DNAAF11: variants seen among roughly 807,000 people sequenced by gnomAD.
DNAAF11 encodes the protein leucine rich repeat containing 6.
A neutral mutation model predicts 60.8 loss-of-function variants in DNAAF11; 45 were observed. The observed-to-expected ratio is 0.74, with a 90% confidence interval of 0.58 to 0.95. The LOEUF is 0.95. Among genes scored for constraint, DNAAF11 ranks in the 40% least tolerant of loss-of-function variants. DNAAF11 has a pLI of 0.00. For missense variants in DNAAF11, 546 were observed against 546.2 expected, an observed-to-expected ratio of 1.00 and a Z score of 0.00; for synonymous variants, 191 against 183.5, an observed-to-expected ratio of 1.04 and a Z score of -0.33.
At chr8:132,637,709 T>G (rs1370815888) in intron 4 of DNAAF11, among the ~76,000 whole-genome samples, 1 of 152,224 alleles carries the variant, frequency 6.6e-6, no homozygotes, top group Non-Finnish European at 1.5e-5. Flanking sequence ...AAGTTCTGTG[T>G]GTTTTGGATG....
the DNAAF11 span, among the ~76,000 whole-genome samples, chr8:132,681,318 C>CTTTTTTTTTTT: frequency 2.5e-3 from 320 of 128,934 alleles, 2 homozygotes; most frequent in African/African-American, 7.2e-3. Flanking sequence ...CCAACCATTC[C>CTTTTTTTTTTT]TTTTTTTTTT....
chr8:132,701,095 C>G, the DNAAF11 span, among the ~76,000 whole-genome samples: 1 of 152,176 alleles, frequency 6.6e-6, no homozygotes, highest in Non-Finnish European at 1.5e-5. Flanking sequence ...CCAACCTTGT[C>G]TATGAAGAGG....
intron 1 of DNAAF11, among the ~76,000 whole-genome samples, chr8:132,674,196 A>AAGGAGGAGGAGAAGG (rs1322406544): frequency 9.6e-5 from 9 of 94,218 alleles, no homozygotes; most frequent in South Asian, 3.5e-4. Flanking sequence ...GGAGGAGGAG[A>AAGGAGGAGGAGAAGG]AGGAGGAGGA....
chr8:132,596,312 G>A (rs1042978063), intron 10 of DNAAF11, among the ~76,000 whole-genome samples: 1 of 152,056 alleles, frequency 6.6e-6, no homozygotes, highest in African/African-American at 2.4e-5. Flanking sequence ...AGTTACATAA[G>A]GCAGTTATGT....
chr8:132,702,725 T>A, the DNAAF11 span, among the ~76,000 whole-genome samples: 4 of 152,198 alleles, frequency 2.6e-5, no homozygotes, highest in African/African-American at 9.7e-5. Flanking sequence ...TAGTCTCATT[T>A]TAAAGACTGG....
chr8:132,689,697 G>A, the DNAAF11 span, among the ~76,000 whole-genome samples: 8 of 80,862 alleles, frequency 9.9e-5, no homozygotes, highest in South Asian at 3.1e-4. Context: ...GTGTATGTAC[G>A]TGTGTGTGTG....
chr8:132,699,785 A>G, the DNAAF11 span, among the ~76,000 whole-genome samples: 1 of 152,240 alleles, frequency 6.6e-6, no homozygotes, highest in African/African-American at 2.4e-5. Flanking sequence ...AAGTGCTAAT[A>G]CATGCTAAGA....
intron 10 of DNAAF11, among the ~76,000 whole-genome samples, chr8:132,598,035 C>T (rs377236356): frequency 6.6e-6 from 1 of 152,174 alleles, no homozygotes; most frequent in African/African-American, 2.4e-5. Context: ...AATTATGAGG[C>T]ATTGTTTGTG....
chr8:132,649,008 T>TACTTTTTTATGGA (rs1279600946), intron 3 of DNAAF11, among the ~76,000 whole-genome samples: 2 of 152,198 alleles, frequency 1.3e-5, no homozygotes, highest in South Asian at 2.1e-4. Flanking sequence ...TGGAAAAAAC[T>TACTTTTTTATGGA]ACTTTTTTAT....
chr8:132,589,755 A>G (rs990927405), intron 10 of DNAAF11, among the ~76,000 whole-genome samples: 4 of 152,136 alleles, frequency 2.6e-5, no homozygotes, highest in Non-Finnish European at 4.4e-5. Flanking sequence ...TTGCCTACAG[A>G]CCACCATTTC....
At chr8:132,683,364 G>C in the DNAAF11 span, among the ~76,000 whole-genome samples, 1 of 152,126 alleles carries the variant, frequency 6.6e-6, no homozygotes, top group East Asian at 1.9e-4. Context: ...GAAAATCATT[G>C]AGCTAAAGAC....
the DNAAF11 span, among the ~76,000 whole-genome samples, chr8:132,692,631 C>T: frequency 2.0e-5 from 3 of 152,214 alleles, no homozygotes; most frequent in Admixed American, 2.0e-4. Context: ...CAAAATCCAG[C>T]TCTGACCCAG....
intron 1 of DNAAF11, among the ~76,000 whole-genome samples, chr8:132,663,414 T>C (rs1461142803): frequency 1.3e-5 from 2 of 152,238 alleles, no homozygotes; most frequent in African/African-American, 2.4e-5. Context: ...GCAATGCTCC[T>C]GTGTAAAGTA....
the DNAAF11 span, among the ~76,000 whole-genome samples, chr8:132,692,802 T>C: frequency 1.3e-5 from 2 of 152,172 alleles, no homozygotes; most frequent in African/African-American, 2.4e-5. Context: ...CTGACTTTCC[T>C]TTCCTCCCTG....
the DNAAF11 span, among the ~76,000 whole-genome samples, chr8:132,682,214 T>C: frequency 6.6e-6 from 1 of 152,322 alleles, no homozygotes; most frequent in African/African-American, 2.4e-5. Flanking sequence ...TAAAAATCCT[T>C]GCAGCTTCCA....
chr8:132,674,559 C>T lies in DNAAF11; in HGVS notation c.10+925G>A, dbSNP rs183213279. 2.7e-4 allele frequency among the ~76,000 whole-genome samples: 41 copies of T among 152,328 alleles called. No individual in the cohort carries two copies. In the East Asian group the frequency reaches 7.7e-3, roughly 29 times the overall value. On this transcript the variant is annotated intron_variant, in intron 1 of 11. Coordinates refer to ENST00000620350, the MANE Select transcript of DNAAF11 (RefSeq NM_012472.6). ...GTTCATACAATATAAATAACTTACC[C>T]GCATCACCTTGCAGTTTGTTAGTAT...
chr8:132,592,423 T>C lies in DNAAF11; in HGVS notation c.1141-8644A>G, dbSNP rs549753414. Among the ~76,000 whole-genome samples, 3 of 152,252 alleles carry C rather than the reference T, an allele frequency of 2.0e-5. No homozygotes were observed. In the East Asian group the frequency reaches 5.8e-4, roughly 29 times the overall value. Reference sequence around the variant, plus strand: ...AAACTTGCACAAAGGTAAGAGAGAATAGCAAGTTCCTGGAACTGTGAGTTG... The same window carrying C: ...AAACTTGCACAAAGGTAAGAGAGAACAGCAAGTTCCTGGAACTGTGAGTTG... On this transcript the variant is annotated intron_variant, in intron 10 of 11. Coordinates refer to ENST00000620350, the MANE Select transcript of DNAAF11 (RefSeq NM_012472.6).
intron 3 of DNAAF11, among the ~76,000 whole-genome samples, chr8:132,642,464 T>C (rs569403501): frequency 2.6e-5 from 4 of 152,300 alleles, no homozygotes; most frequent in Non-Finnish European, 5.9e-5. Flanking sequence ...CAACAGACTG[T>C]GGAACCAGTG....
chr8:132,674,913 A>G (rs1051255106), intron 1 of DNAAF11, among the ~76,000 whole-genome samples: 2 of 152,236 alleles, frequency 1.3e-5, no homozygotes, highest in African/African-American at 4.8e-5. Flanking sequence ...AAACACGTTT[A>G]TAACACTTAC....
Sources: gnomAD v4.1 joint callset for allele counts (sites outside exome capture counted in the v4.1 genomes callset) on GRCh38, gnomAD v4.1.1 for gene constraint, MANE v1.5 for transcripts, NCBI Gene and HGNC (gene_info 2026-07-23, HGNC 2026-07-21) for gene names.